Variants in CFAP299 observed in about 807,000 individuals in gnomAD.
CFAP299 encodes cilia- and flagella-associated protein 299.
Under a neutral mutation model 27.0 loss-of-function variants are expected in CFAP299, and 21 were observed. That is an observed-to-expected ratio of 0.78 (90% CI 0.55 to 1.12). The LOEUF (loss-of-function observed/expected upper bound fraction) is 1.12. CFAP299 is among the 50% of genes most tolerant of loss of function. CFAP299 has a pLI of 0.00. For synonymous variants in CFAP299, 104 were observed against 98.1 expected (o/e 1.06, Z -0.36); for missense variants, 310 against 276.6 (o/e 1.12, Z -0.86).
At chr4:80,669,961 G>C (rs551838437) in intron 3 of CFAP299, among the ~76,000 whole-genome samples, 1 of 151,446 alleles carries the variant, frequency 6.6e-6, no homozygotes, top group Admixed American at 6.6e-5. Flanking sequence ...AAAACCCGTA[G>C]TGCGTCGTGA....
chr4:80,729,855 G>A (rs778696849), intron 3 of CFAP299, among the ~76,000 whole-genome samples: 148 of 151,758 alleles, frequency 9.8e-4, no homozygotes, highest in African/African-American at 2.9e-3. Flanking sequence ...TGCCCGCCTC[G>A]GCCTCCCAAA....
rs368980488 is a variant in CFAP299 at position 80,912,329 on chromosome 4, C to T, written c.477-32481C>T. On this transcript the variant is annotated intron_variant, in intron 4 of 5. Transcript: ENST00000358105. ...TATTATTATACCCCTGCCTTCCACACATTACAGCAGGAGAATAGACAAGGA... is the reference window on the plus strand; with the variant it reads ...TATTATTATACCCCTGCCTTCCACATATTACAGCAGGAGAATAGACAAGGA... Among the ~76,000 whole-genome samples, 5 of 152,306 alleles carry T rather than the reference C, an allele frequency of 3.3e-5. No homozygotes were observed. The South Asian group carries it at 8.3e-4, about 25-fold the overall frequency.
At chr4:80,938,237 C>A (rs1337387265) in intron 4 of CFAP299, among the ~76,000 whole-genome samples, 1 of 152,162 alleles carries the variant, frequency 6.6e-6, no homozygotes, top group Non-Finnish European at 1.5e-5. Flanking sequence ...GGCCCCAAAA[C>A]GGGCCGTAAA....
At chr4:80,876,638 G>C (rs992558205) in intron 4 of CFAP299, among the ~76,000 whole-genome samples, 2 of 152,132 alleles carry the variant, frequency 1.3e-5, no homozygotes, top group Non-Finnish European at 2.9e-5. Context: ...GTGTTAGCTG[G>C]CTTAACCAAA....
chr4:80,813,514 TG>T (rs1440677380), intron 3 of CFAP299, among the ~76,000 whole-genome samples: 9 of 152,120 alleles, frequency 5.9e-5, no homozygotes, highest in African/African-American at 2.2e-4. Flanking sequence ...CCTTTTCTGT[TG>T]ATCCTAATAT....
chr4:80,820,774 A>G (rs936870707), intron 3 of CFAP299, among the ~76,000 whole-genome samples: 2 of 152,194 alleles, frequency 1.3e-5, no homozygotes, highest in Admixed American at 6.5e-5. Context: ...CCCAGCACAC[A>G]TTAGTGTTGC....
At chr4:80,776,260 G>A (rs1726534599) in intron 3 of CFAP299, among the ~76,000 whole-genome samples, 1 of 152,198 alleles carries the variant, frequency 6.6e-6, no homozygotes, top group Admixed American at 6.6e-5. Context: ...TCATCAACCT[G>A]CACTCCCATT....
chr4:80,421,027 G>A (rs1038999085), intron 2 of CFAP299, among the ~76,000 whole-genome samples: 1 of 151,986 alleles, frequency 6.6e-6, no homozygotes, highest in African/African-American at 2.4e-5. Flanking sequence ...TGGTGCCAGG[G>A]TCTGGTTTGT....
At chr4:80,519,295 C>T (rs1203366532) in intron 2 of CFAP299, among the ~76,000 whole-genome samples, 1 of 152,116 alleles carries the variant, frequency 6.6e-6, no homozygotes, top group Non-Finnish European at 1.5e-5. Context: ...CGATCTCTGC[C>T]TCCTGGGTTC....
At chr4:80,858,715 G>A (rs983932814) in intron 3 of CFAP299, among the ~76,000 whole-genome samples, 6 of 152,110 alleles carry the variant, frequency 3.9e-5, no homozygotes, top group East Asian at 3.9e-4. Context: ...ATAGTTGAGC[G>A]GTTTTGAGTG....
Position 80,635,649 on chromosome 4 carries a change from A to G in CFAP299, c.333+52466A>G, listed in dbSNP as rs993383383. On this transcript the variant is annotated intron_variant, in intron 3 of 5. Coordinates refer to ENST00000358105, the MANE Select transcript of CFAP299 (RefSeq NM_152770.3). ...TGGAATTAAAATTAATAAGAGAAAC[A>G]TAAAGATAAAGTGAATGGATTTATT... 2.0e-5 allele frequency among the ~76,000 whole-genome samples: 3 copies of G among 152,338 alleles called. No individual in the cohort carries two copies. In the East Asian group the frequency reaches 5.8e-4, roughly 29 times the overall value.
At chr4:80,596,801 A>G (rs893203436) in intron 3 of CFAP299, among the ~76,000 whole-genome samples, 12 of 152,154 alleles carry the variant, frequency 7.9e-5, no homozygotes, top group Admixed American at 7.2e-4. Flanking sequence ...CTAATACCAT[A>G]GAACAATTTT....
At chr4:80,881,051 A>G (rs1733676901) in intron 4 of CFAP299, among the ~76,000 whole-genome samples, 1 of 152,202 alleles carries the variant, frequency 6.6e-6, no homozygotes, top group South Asian at 2.1e-4. Flanking sequence ...CACAGCCAGC[A>G]TTGCTATTCA....
At chr4:80,542,640 C>A (rs1172557872) in intron 2 of CFAP299, among the ~76,000 whole-genome samples, 1 of 152,136 alleles carries the variant, frequency 6.6e-6, no homozygotes, top group Non-Finnish European at 1.5e-5. Context: ...GCACTCCCTG[C>A]TCTCTGCCAG....
intron 4 of CFAP299, among the ~76,000 whole-genome samples, chr4:80,930,085 C>G (rs1736537279): frequency 1.3e-5 from 2 of 152,076 alleles, no homozygotes; most frequent in Admixed American, 1.3e-4. Context: ...CATCCCCGCC[C>G]CTTACAACAA....
At position 80,896,557 on chromosome 4, in the gene CFAP299, A is replaced by C. The variant is rs1047925919; in HGVS notation, c.476+26422A>C. On this transcript the variant is annotated intron_variant, in intron 4 of 5. Transcript: ENST00000358105. ...TCAAGGCTTGAAAAAGTCAAATCAT[A>C]TGTAACACAAGTAAATCCACAAAAA... is the stretch of plus-strand genomic sequence containing the variant. Among the ~76,000 whole-genome samples, 5 of 152,224 alleles carry C rather than the reference A, an allele frequency of 3.3e-5. No individual in the cohort carries two copies. In the East Asian group the frequency reaches 5.8e-4, roughly 18 times the overall value.
intron 2 of CFAP299, among the ~76,000 whole-genome samples, chr4:80,477,916 G>A (rs1406577322): frequency 1.3e-5 from 2 of 152,102 alleles, no homozygotes; most frequent in African/African-American, 4.8e-5. Flanking sequence ...CAAATGGCTA[G>A]AGAAAAACCT....
At chr4:80,780,628 C>T (rs1489073643) in intron 3 of CFAP299, among the ~76,000 whole-genome samples, 5 of 151,956 alleles carry the variant, frequency 3.3e-5, no homozygotes, top group Non-Finnish European at 5.9e-5. Flanking sequence ...CTATTTATAT[C>T]TACTGCTTTA....
At chr4:80,950,764 C>G (rs1041798671) in intron 5 of CFAP299, among the ~76,000 whole-genome samples, 2 of 152,150 alleles carry the variant, frequency 1.3e-5, no homozygotes, top group African/African-American at 4.8e-5. Context: ...GGCTGGATAA[C>G]TGATCTGAGT....
Sources: gnomAD v4.1 joint callset for allele counts (sites outside exome capture counted in the v4.1 genomes callset) on GRCh38, gnomAD v4.1.1 for gene constraint, MANE v1.5 for transcripts, NCBI Gene and HGNC (gene_info 2026-07-23, HGNC 2026-07-21) for gene names.